ANKMY1: variants seen among roughly 807,000 people sequenced by gnomAD.
ANKMY1 encodes the protein ankyrin repeat and MYND domain containing 1.
ANKMY1 carries 98 observed loss-of-function variants against 102.0 expected under a neutral mutation model. The observed-to-expected ratio is 0.96, with a 90% CI of 0.82 to 1.14. The LOEUF is 1.14. Among genes scored for constraint, ANKMY1 ranks in the 50% most tolerant of loss-of-function variants. The pLI is 0.00. For synonymous variants in ANKMY1, 582 were observed against 559.9 expected (o/e 1.04, Z -0.56); for missense variants, 1,330 against 1,347.6 (o/e 0.99, Z 0.20).
intron 4 of ANKMY1, among the ~76,000 whole-genome samples, chr2:240,548,951 A>G (rs1025221810): frequency 1.3e-5 from 2 of 152,222 alleles, no homozygotes; most frequent in African/African-American, 4.8e-5. Context: ...AAGGTAATTT[A>G]CAGATTCAAT....
Position 240,555,595 on chromosome 2 carries a change from GC to G in ANKMY1, c.147-541del, listed in dbSNP as rs556411970. 5.1e-3 allele frequency: 807 copies of G among 158,778 alleles called. 11 individuals carry two copies. The highest frequency in any genetic ancestry group is 0.018 in the African/African-American group (756 of 41,726). 9.8% of individuals were successfully genotyped at this position (158,778 alleles called of 1,614,324 possible). On this transcript the variant is annotated intron_variant, in intron 2 of 17. Coordinates refer to ENST00000401804, the MANE Select transcript of ANKMY1 (RefSeq NM_001282771.3). Reference sequence around the variant, plus strand: ...CAGGGCTGGGGAGTATGCTGCAACAGCGGGGAGCACAAACCAGGGTGGATTT... The same window carrying G: ...CAGGGCTGGGGAGTATGCTGCAACAGGGGGAGCACAAACCAGGGTGGATTT...
chr2:240,558,241 G>A (rs750349503), upstream of ANKMY1: 3 of 152,442 alleles, frequency 2.0e-5, no homozygotes, highest in Non-Finnish European at 4.4e-5. Flanking sequence ...TGGGGGCACA[G>A]GGAGCGCCGT....
intron 12 of ANKMY1, 146 bp from the exon 13 acceptor site, chr2:240,507,837 A>G: frequency 2.1e-6 from 2 of 951,138 alleles, no homozygotes; most frequent in Non-Finnish European, 2.9e-6. Context: ...CACGGATCCT[A>G]CCCACAGTGG....
Position 240,520,178 on chromosome 2 carries a change from G to T in ANKMY1, c.2004+184C>A, listed in dbSNP as rs1559307489. The T allele has an allele frequency of 1.1e-6, 1 of 896,010 alleles. No homozygotes were observed. Among genetic ancestry groups the T allele is most frequent in the Non-Finnish European group, 1.8e-6 (1 of 549,648 alleles). 55.5% of individuals were successfully genotyped at this position (896,010 alleles called of 1,614,324 possible). Reference sequence around the variant, plus strand: ...GCTCGGTGTCCAAATCCTGTCTGGGGACATGGGTGAAAGAGCGGGCTGTGG... The same window carrying T: ...GCTCGGTGTCCAAATCCTGTCTGGGTACATGGGTGAAAGAGCGGGCTGTGG... On this transcript the variant is annotated intron_variant, in intron 9 of 17. Coordinates refer to ENST00000401804, the MANE Select transcript of ANKMY1 (RefSeq NM_001282771.3). The surrounding 1 kb of genome is among the most constrained non-coding windows in gnomAD (Gnocchi z 4.8).
chr2:240,512,826 C>G lies in ANKMY1; in HGVS notation c.2121G>C (p.Glu707Asp), dbSNP rs780064992. 6.2e-7 allele frequency: 1 copy of G among 1,614,012 alleles called. No homozygotes were observed. The highest frequency in any genetic ancestry group is 1.3e-5 in the African/African-American group (1 of 75,058). ...ITDVDAKASD[E>D]DDTYKPGKLD... ...CCTTGCCGGGCTTGTAAGTGTCGTC[C>G]TCGTCGGATGCCTTGGCGTCCACAT... Residue 707 changes from glutamate to aspartate, a missense_variant, in exon 10 of 18, where the codon GAG becomes GAC. By Grantham distance (45) the Glu-to-Asp change is conservative. Transcript: ENST00000401804.
the ANKMY1 span, among the ~76,000 whole-genome samples, chr2:240,472,865 C>A: frequency 6.6e-6 from 1 of 152,186 alleles, no homozygotes; most frequent in Non-Finnish European, 1.5e-5. Context: ...TGGCTCATGC[C>A]TGTCATCCCA....
At chr2:240,512,543 C>G (rs1208236577) in intron 10 of ANKMY1, among the ~76,000 whole-genome samples, 1 of 152,252 alleles carries the variant, frequency 6.6e-6, no homozygotes, top group African/African-American at 2.4e-5. Flanking sequence ...CATGGGGACC[C>G]CCACGCCCTG....
chr2:240,559,271 GTGA>G (rs1559404118), upstream of ANKMY1, among the ~76,000 whole-genome samples: 6 of 152,308 alleles, frequency 3.9e-5, no homozygotes, highest in South Asian at 4.1e-4. Context: ...ACCGTAAAGG[GTGA>G]TGATGATTCA....
At chr2:240,541,360 T>G (rs373359687) in intron 4 of ANKMY1, among the ~76,000 whole-genome samples, 55 of 152,140 alleles carry the variant, frequency 3.6e-4, no homozygotes, top group African/African-American at 1.3e-3. Context: ...TGGTGATTGT[T>G]TGTGTGTGTG....
chr2:240,483,898 A>G (rs1363965831), intron 15 of ANKMY1, among the ~76,000 whole-genome samples: 5 of 151,916 alleles, frequency 3.3e-5, no homozygotes, highest in Admixed American at 3.3e-4. Context: ...ATATGTCCTC[A>G]TTGTTCAACT....
chr2:240,469,664 C>CT, the ANKMY1 span, among the ~76,000 whole-genome samples: 2 of 80,840 alleles, frequency 2.5e-5, no homozygotes, highest in Non-Finnish European at 5.4e-5. Context: ...CACATGTGCA[C>CT]TCCACATTTA....
intron 9 of ANKMY1, among the ~76,000 whole-genome samples, chr2:240,514,071 CCCT>C (rs1287083624): frequency 6.6e-6 from 1 of 152,242 alleles, no homozygotes; most frequent in Non-Finnish European, 1.5e-5. Flanking sequence ...GGAGGCCACA[CCCT>C]CCTTACATGT....
rs147534670 is a variant in ANKMY1, at chr2:240,509,391, C to G, written c.2351G>C (p.Gly784Ala). 6.2e-7 allele frequency: 1 copy of G among 1,613,636 alleles called. No individual in the cohort carries two copies. The highest frequency in any genetic ancestry group is 8.5e-7 in the Non-Finnish European group (1 of 1,179,816). Reference sequence around the variant, plus strand: ...AATGGACAGGGAGAGCGGGGAGTGGCCACTCCACAGCAGGTTAGGATTTGC... The same window carrying G: ...AATGGACAGGGAGAGCGGGGAGTGGGCACTCCACAGCAGGTTAGGATTTGC... ...HGANPNLLWS[G>A]HSPLSLSIAS... The change falls in exon 12 of 18, where the codon GGC becomes GCC. Residue 784 changes from glycine (G) to alanine (A), a missense_variant. Gly to Ala is a moderately conservative substitution (Grantham distance 60, BLOSUM62 0). Coordinates refer to ENST00000401804, the MANE Select transcript of ANKMY1 (RefSeq NM_001282771.3).
chr2:240,519,185 G>A (rs1425731566), intron 9 of ANKMY1, among the ~76,000 whole-genome samples: 2 of 152,356 alleles, frequency 1.3e-5, no homozygotes, highest in Non-Finnish European at 2.9e-5. Flanking sequence ...GTGCCAGTTC[G>A]TCACCCATCT....
intron 9 of ANKMY1, among the ~76,000 whole-genome samples, chr2:240,518,137 C>T (rs374670574): frequency 6.6e-6 from 1 of 152,248 alleles, no homozygotes. Context: ...TCCCATAGAA[C>T]TGATGTCTAT....
intron 15 of ANKMY1, among the ~76,000 whole-genome samples, chr2:240,490,702 T>C (rs1268917601): frequency 2.6e-5 from 4 of 152,208 alleles, no homozygotes; most frequent in African/African-American, 7.2e-5. Context: ...ATACCTGGTA[T>C]GATTTTGATC....
At chr2:240,509,596 A>G in intron 11 of ANKMY1, 141 bp from the exon 12 acceptor site, 1 of 628,474 alleles carries the variant, frequency 1.6e-6, no homozygotes, top group Admixed American at 3.0e-5. Flanking sequence ...GCCTGACACA[A>G]GGTGTTCAAA....
chr2:240,478,958 C>G (rs2075049141), downstream of ANKMY1, among the ~76,000 whole-genome samples: 1 of 152,178 alleles, frequency 6.6e-6, no homozygotes. Flanking sequence ...GCGCATCTTC[C>G]CCTGCCCTCT....
At chr2:240,469,695 C>T in the ANKMY1 span, among the ~76,000 whole-genome samples, 1 of 151,556 alleles carries the variant, frequency 6.6e-6, no homozygotes, top group Non-Finnish European at 1.5e-5. Flanking sequence ...CGAACACATA[C>T]AACACCCTGT....
Sources: gnomAD v4.1 joint callset for allele counts (sites outside exome capture counted in the v4.1 genomes callset) on GRCh38, gnomAD v4.1.1 for gene constraint, Gnocchi (gnomAD v3.1) non-coding constraint, MANE v1.5 for transcripts, NCBI Gene and HGNC (gene_info 2026-07-23, HGNC 2026-07-21) for gene names.